ZSCAN25: variants seen among roughly 807,000 people sequenced by gnomAD.
ZSCAN25 encodes the protein zinc finger and SCAN domain containing 25.
In ZSCAN25, 27 loss-of-function variants were observed where a neutral mutation model predicts 38.7. The ratio of observed to expected loss-of-function variants is 0.70; its 90% confidence interval spans 0.51 to 0.96. ZSCAN25 has a LOEUF of 0.96. ZSCAN25 is among the 40% of genes least tolerant of loss of function. The pLI, the probability that ZSCAN25 is intolerant of heterozygous loss-of-function variation, is 0.00. For missense variants in ZSCAN25, 637 were observed against 705.9 expected (o/e 0.90, Z 1.11); for synonymous variants, 273 against 277.7 (o/e 0.98, Z 0.17).
chr7:99,720,840 A>C, the ZSCAN25 span: 3 of 186,032 alleles, frequency 1.6e-5, no homozygotes, highest in Non-Finnish European at 3.4e-5. Flanking sequence ...GCTCACAAGG[A>C]CTAAATGTTT....
At chr7:99,722,816 A>G in the ZSCAN25 span, among the ~76,000 whole-genome samples, 2 of 152,170 alleles carry the variant, frequency 1.3e-5, no homozygotes, top group African/African-American at 2.4e-5. Context: ...GCAGAATTAG[A>G]AAGTTACAGA....
At chr7:99,679,629 G>T in the ZSCAN25 span, among the ~76,000 whole-genome samples, 4 of 152,144 alleles carry the variant, frequency 2.6e-5, no homozygotes, top group Non-Finnish European at 5.9e-5. Flanking sequence ...ATTAGAAGGT[G>T]GATGGGAGAA....
At chr7:99,734,157 A>C in the ZSCAN25 span, among the ~76,000 whole-genome samples, 6 of 152,240 alleles carry the variant, frequency 3.9e-5, no homozygotes, top group Non-Finnish European at 8.8e-5. Flanking sequence ...ATGTTACCAC[A>C]ACTCACTGAA....
the ZSCAN25 span, among the ~76,000 whole-genome samples, chr7:99,678,712 T>A: frequency 6.6e-6 from 1 of 152,250 alleles, no homozygotes; most frequent in African/African-American, 2.4e-5. Context: ...TCAATTCATT[T>A]AAAAATGTTA....
Position 99,624,110 on chromosome 7 carries a change from G to T in ZSCAN25, c.735G>T (p.Arg245Ser). Residue 245 changes from arginine (R) to serine (S), a missense_variant, in exon 7 of 8, where the codon AGG becomes AGT. Transcript: ENST00000394152. The stretch of plus-strand genomic sequence containing the variant: ...TGGCCTTCCCTGAGGAGGAGTGGAG[G>T]CATGTGACCCCAGCCCAGATAGACT... Reference protein sequence around the residue: ...MALAFPEEEWRHVTPAQIDCF... With the variant: ...MALAFPEEEWSHVTPAQIDCF... 4 of 1,614,158 alleles carry T rather than the reference G, an allele frequency of 2.5e-6. No individual in the cohort carries two copies. Among genetic ancestry groups the T allele is most frequent in the Non-Finnish European group, 3.4e-6 (4 of 1,180,044 alleles).
chr7:99,692,687 C>T, the ZSCAN25 span, among the ~76,000 whole-genome samples: 81 of 152,188 alleles, frequency 5.3e-4, no homozygotes, highest in African/African-American at 1.9e-3. Flanking sequence ...TTGATCGAAT[C>T]GGCTATTGAA....
At chr7:99,638,834 C>T in the ZSCAN25 span, 11 of 675,850 alleles carry the variant, frequency 1.6e-5, no homozygotes, top group African/African-American at 5.4e-5. Flanking sequence ...ACGCCGCCGC[C>T]GCTGCGAAAC....
chr7:99,632,190 CT>C lies in ZSCAN25; in HGVS notation c.*2172del. The C allele has an allele frequency of 1.0e-6, 1 of 985,388 alleles. No homozygotes were observed. The highest frequency in any genetic ancestry group is 1.2e-6 in the Non-Finnish European group (1 of 829,924). The allele number at this position is 985,388 out of a possible 1,614,324, so 61.0% of individuals were successfully genotyped here. ...TCCCTATCTCCTGTGGGGCCAAGAG[CT>C]TAGGACAGTGTCTCAGAAAAGCCTC... On this transcript the variant is annotated 3_prime_UTR_variant, in exon 8 of 8. Coordinates refer to ENST00000394152, the MANE Select transcript of ZSCAN25 (RefSeq NM_145115.3).
the ZSCAN25 span, chr7:99,660,382 T>C: frequency 2.0e-6 from 3 of 1,471,698 alleles, no homozygotes; most frequent in Non-Finnish European, 9.0e-7. Flanking sequence ...TCCTACATTA[T>C]GTCAGTGAAG....
downstream of ZSCAN25, among the ~76,000 whole-genome samples, chr7:99,633,540 A>G (rs891520274): frequency 1.3e-5 from 2 of 152,224 alleles, no homozygotes; most frequent in African/African-American, 2.4e-5. Flanking sequence ...TCAAGTCTGT[A>G]GAAATCAATG....
At chr7:99,685,057 T>C in the ZSCAN25 span, 3 of 1,009,494 alleles carry the variant, frequency 3.0e-6, no homozygotes, top group Admixed American at 5.4e-5. Context: ...CATTTCAGGG[T>C]ACTATTCACA....
the ZSCAN25 span, among the ~76,000 whole-genome samples, chr7:99,686,127 T>C: frequency 1.3e-5 from 2 of 152,184 alleles, no homozygotes. Context: ...GGTACCGGGT[T>C]CATCTCACTA....
the ZSCAN25 span, chr7:99,710,747 T>A: frequency 6.2e-7 from 1 of 1,613,840 alleles, no homozygotes; most frequent in South Asian, 1.1e-5. Flanking sequence ...TGGGTAAAAC[T>A]GTATCAATTT....
the ZSCAN25 span, chr7:99,715,478 T>C: frequency 7.0e-6 from 3 of 425,892 alleles, no homozygotes; most frequent in Non-Finnish European, 1.3e-5. Context: ...TTCTATGAAG[T>C]GTCCAGAATA....
the ZSCAN25 span, among the ~76,000 whole-genome samples, chr7:99,725,430 C>T: frequency 1.3e-5 from 2 of 152,196 alleles, no homozygotes; most frequent in Non-Finnish European, 2.9e-5. Context: ...TAGCTACTTG[C>T]CTCCAGTGTA....
the ZSCAN25 span, among the ~76,000 whole-genome samples, chr7:99,698,754 T>C: frequency 6.6e-6 from 1 of 152,148 alleles, no homozygotes; most frequent in Non-Finnish European, 1.5e-5. Context: ...ACAGCCCTCT[T>C]TCATCATCCA....
chr7:99,721,708 G>A, the ZSCAN25 span, among the ~76,000 whole-genome samples: 15 of 152,090 alleles, frequency 9.9e-5, no homozygotes, highest in African/African-American at 2.4e-4. Flanking sequence ...TTACAATAGC[G>A]AGTGTGAACA....
chr7:99,703,619 A>G, the ZSCAN25 span, among the ~76,000 whole-genome samples: 4 of 152,162 alleles, frequency 2.6e-5, no homozygotes, highest in African/African-American at 9.7e-5. Flanking sequence ...ATTTCATAGG[A>G]TTCATGCTAG....
chr7:99,660,225 T>TC, the ZSCAN25 span: 2 of 930,476 alleles, frequency 2.1e-6, no homozygotes, highest in Non-Finnish European at 2.5e-6. Context: ...TTTTTTTTTT[T>TC]TTTTTTTTTT....
Sources: allele counts gnomAD v4.1 joint callset (sites outside exome capture counted in the v4.1 genomes callset), GRCh38; gene constraint gnomAD v4.1.1; transcripts MANE v1.5; gene names NCBI Gene and HGNC (gene_info 2026-07-23, HGNC 2026-07-21).